Variants in DGKI observed in about 807,000 individuals in gnomAD.
DGKI encodes diacylglycerol kinase iota.
DGKI carries 55 observed loss-of-function variants against 147.5 expected under a neutral mutation model. The observed-to-expected ratio is 0.37, with a 90% CI of 0.30 to 0.47. The LOEUF (loss-of-function observed/expected upper bound fraction) is 0.47. DGKI is among the 20% of genes least tolerant of loss of function. The pLI, the probability that DGKI is intolerant of heterozygous loss-of-function variation, is 1.00. For missense variants in DGKI, 1,007 were observed against 1,323.8 expected (o/e 0.76, Z 3.71); for synonymous variants, 469 against 477.1 (o/e 0.98, Z 0.22).
At chr7:137,753,627 G>A (rs1194217287) in intron 1 of DGKI, among the ~76,000 whole-genome samples, 4 of 152,164 alleles carry the variant, frequency 2.6e-5, no homozygotes, top group African/African-American at 9.7e-5. Flanking sequence ...GCTGATAGAG[G>A]TTTAATTAAT....
intron 20 of DGKI, among the ~76,000 whole-genome samples, chr7:137,540,728 G>A (rs568911252): frequency 9.2e-4 from 66 of 72,036 alleles, no homozygotes; most frequent in Admixed American, 3.5e-3. Context: ...TACTAACAAT[G>A]AGCAATTGGA....
chr7:137,420,748 G>C (rs1462498316), intron 28 of DGKI, among the ~76,000 whole-genome samples: 2 of 152,312 alleles, frequency 1.3e-5, no homozygotes, highest in Non-Finnish European at 1.5e-5. Flanking sequence ...ACCGAGCACT[G>C]TGGCCCACGC....
intron 1 of DGKI, among the ~76,000 whole-genome samples, chr7:137,826,684 T>C (rs1035623030): frequency 1.3e-5 from 2 of 152,246 alleles, no homozygotes; most frequent in East Asian, 1.9e-4. Context: ...CATTTTTGTT[T>C]TTTAAAGTCC....
At position 137,666,675 on chromosome 7, in the gene DGKI, G is replaced by A. The variant is rs73454832; in HGVS notation, c.607-10135C>T. 6.3e-3 allele frequency among the ~76,000 whole-genome samples: 955 copies of A among 152,246 alleles called. 12 individuals carry two copies. Among genetic ancestry groups the A allele is most frequent in the African/African-American group, 0.022 (900 of 41,548 alleles). ...ACTGATGCCCTCAGAGTTGCCAGGCGGAGAGTCATGGGGAATGATACTCAC... is the reference window on the plus strand; with the variant it reads ...ACTGATGCCCTCAGAGTTGCCAGGCAGAGAGTCATGGGGAATGATACTCAC... On this transcript the variant is annotated intron_variant, in intron 3 of 32. Coordinates refer to ENST00000614521, the MANE Select transcript of DGKI (RefSeq NM_001321708.2).
At chr7:137,402,141 G>A (rs956907300) in intron 30 of DGKI, among the ~76,000 whole-genome samples, 35 of 152,170 alleles carry the variant, frequency 2.3e-4, no homozygotes, top group African/African-American at 8.0e-4. Flanking sequence ...AGAACAAAGA[G>A]GTTAGCAGTG....
chr7:137,539,350 A>G (rs545905571), intron 20 of DGKI, among the ~76,000 whole-genome samples: 1 of 152,200 alleles, frequency 6.6e-6, no homozygotes, highest in African/African-American at 2.4e-5. Context: ...GAGACCAGAA[A>G]GTACCAGGGA....
At chr7:137,496,998 A>G (rs904003558) in intron 21 of DGKI, among the ~76,000 whole-genome samples, 1 of 152,154 alleles carries the variant, frequency 6.6e-6, no homozygotes, top group Non-Finnish European at 1.5e-5. Flanking sequence ...AGCAAGAGAA[A>G]CTATCAACAG....
chr7:137,452,660 C>T lies in DGKI; in HGVS notation c.2736-8558G>A, dbSNP rs1030517404. Among the ~76,000 whole-genome samples, 5 of 152,206 alleles carry T rather than the reference C, an allele frequency of 3.3e-5. No individual in the cohort carries two copies. In the South Asian group the frequency reaches 8.3e-4, roughly 25 times the overall value. On this transcript the variant is annotated intron_variant, in intron 27 of 32. Transcript: ENST00000614521. The stretch of plus-strand genomic sequence containing the variant: ...CAGCAAAAAGACCACTTTCTATAAA[C>T]ATCAGGTGATGATCCATCCTACTTA...
At chr7:137,523,337 C>T (rs914256091) in intron 20 of DGKI, among the ~76,000 whole-genome samples, 5 of 152,042 alleles carry the variant, frequency 3.3e-5, no homozygotes, top group Admixed American at 6.6e-5. Context: ...GTAACTCCCT[C>T]CATATGGAAT....
At chr7:137,757,702 A>G (rs1795731493) in intron 1 of DGKI, among the ~76,000 whole-genome samples, 1 of 152,188 alleles carries the variant, frequency 6.6e-6, no homozygotes, top group African/African-American at 2.4e-5. Flanking sequence ...AAACAGCTCA[A>G]TATTGGTTCA....
chr7:137,681,945 A>T (rs1391789373), intron 2 of DGKI, among the ~76,000 whole-genome samples: 1 of 152,250 alleles, frequency 6.6e-6, no homozygotes, highest in Non-Finnish European at 1.5e-5. Context: ...ACCCCCACTT[A>T]AAACTCTGGA....
chr7:137,807,210 T>C (rs1797405106), intron 1 of DGKI, among the ~76,000 whole-genome samples: 1 of 152,236 alleles, frequency 6.6e-6, no homozygotes, highest in African/African-American at 2.4e-5. Flanking sequence ...AATACTTCTT[T>C]ACTGGTTTTC....
chr7:137,610,607 G>C (rs1820331690), intron 8 of DGKI, among the ~76,000 whole-genome samples: 1 of 152,136 alleles, frequency 6.6e-6, no homozygotes, highest in African/African-American at 2.4e-5. Context: ...AGTGTTGGCA[G>C]CAAGAAACAC....
intron 20 of DGKI, among the ~76,000 whole-genome samples, chr7:137,548,893 G>A (rs570779046): frequency 9.2e-5 from 14 of 152,260 alleles, no homozygotes; most frequent in East Asian, 5.8e-4. Flanking sequence ...CCCGGGAGGC[G>A]GAGGTTGCAG....
At chr7:137,698,067 T>C (rs1342843565) in intron 1 of DGKI, among the ~76,000 whole-genome samples, 2 of 151,110 alleles carry the variant, frequency 1.3e-5, no homozygotes, top group Non-Finnish European at 2.9e-5. Flanking sequence ...TATCTATATA[T>C]ATCTCCAGAC....
At chr7:137,668,007 G>A (rs1822702442) in intron 3 of DGKI, among the ~76,000 whole-genome samples, 1 of 152,208 alleles carries the variant, frequency 6.6e-6, no homozygotes, top group African/African-American at 2.4e-5. Flanking sequence ...AGGGAACTGA[G>A]ACCCTATGAG....
At position 137,647,731 on chromosome 7, in the gene DGKI, T is replaced by G. The variant is rs565708963; in HGVS notation, c.739-2194A>C. On this transcript the variant is annotated intron_variant, in intron 5 of 32. Coordinates refer to ENST00000614521, the MANE Select transcript of DGKI (RefSeq NM_001321708.2). ...TGCAGCTGAGGCTACTGCTGACACC[T>G]TTAGCATCTGCCTACTCAACCGATA... Among the ~76,000 whole-genome samples, 193 of 152,328 alleles carry G rather than the reference T, an allele frequency of 1.3e-3. 3 individuals are homozygous for G. Among genetic ancestry groups the G allele is most frequent in the South Asian group, 1.5e-3 (7 of 4,824 alleles).
chr7:137,625,372 A>T (rs1003215256), intron 6 of DGKI, among the ~76,000 whole-genome samples: 1 of 152,164 alleles, frequency 6.6e-6, no homozygotes, highest in African/African-American at 2.4e-5. Context: ...AGTCAGGAGA[A>T]TTTCTTGAAT....
At chr7:137,665,003 C>G (rs1822583900) in intron 3 of DGKI, among the ~76,000 whole-genome samples, 1 of 141,232 alleles carries the variant, frequency 7.1e-6, no homozygotes, top group African/African-American at 3.2e-5. Context: ...GAAAAACATT[C>G]TAGGCAAAGG....
Sources: allele counts gnomAD v4.1 joint callset (sites outside exome capture counted in the v4.1 genomes callset), GRCh38; gene constraint gnomAD v4.1.1; transcripts MANE v1.5; gene names NCBI Gene and HGNC (gene_info 2026-07-23, HGNC 2026-07-21).